ADAM19: variants seen among roughly 807,000 people sequenced by gnomAD.
The protein encoded by ADAM19 is disintegrin and metalloproteinase domain-containing protein 19.
Under a neutral mutation model 114.7 loss-of-function variants are expected in ADAM19, and 65 were observed. The observed-to-expected ratio is 0.57, with a 90% CI of 0.46 to 0.70. ADAM19 has a LOEUF of 0.70. Ranked by LOEUF, ADAM19 falls within the 30% of genes least tolerant of loss-of-function variation. ADAM19 has a pLI of 0.00. For synonymous variants in ADAM19, 466 were observed against 460.5 expected (o/e 1.01, Z -0.15); for missense variants, 1,063 against 1,204.7 (o/e 0.88, Z 1.74).
At chr5:157,495,150 G>A (rs991803134) in intron 14 of ADAM19, among the ~76,000 whole-genome samples, 1 of 151,960 alleles carries the variant, frequency 6.6e-6, no homozygotes, top group Non-Finnish European at 1.5e-5. Flanking sequence ...CACCATGACT[G>A]GCTAATTTTT....
rs1420863073 is a variant in ADAM19 at position 157,478,457 on chromosome 5, A to G, written c.*2492T>C. On this transcript the variant is annotated 3_prime_UTR_variant, in exon 23 of 23. Coordinates refer to ENST00000257527, the MANE Select transcript of ADAM19 (RefSeq NM_033274.5). ...CGGTCTGAGCCTTTTCACTATTCCC[A>G]TAAGGCCCCTTCCTCTCCCTTTTGC... is the stretch of plus-strand genomic sequence containing the variant. 1.3e-5 allele frequency: 8 copies of G among 599,420 alleles called. No individual in the cohort carries two copies. Among genetic ancestry groups the G allele is most frequent in the Non-Finnish European group, 1.7e-5 (8 of 477,500 alleles). 37.1% of individuals were successfully genotyped at this position (599,420 alleles called of 1,614,324 possible).
intron 8 of ADAM19, among the ~76,000 whole-genome samples, chr5:157,509,895 A>C (rs992789731): frequency 6.6e-6 from 1 of 152,216 alleles, no homozygotes; most frequent in African/African-American, 2.4e-5. Context: ...CAGGAACATA[A>C]ATTTCATTTT....
chr5:157,493,424 A>C (rs187628746), intron 15 of ADAM19, among the ~76,000 whole-genome samples: 1 of 152,216 alleles, frequency 6.6e-6, no homozygotes, highest in East Asian at 1.9e-4. Flanking sequence ...AAAAGTCCTT[A>C]ACTCCAAGAA....
chr5:157,482,823 T>C (rs994686708), intron 21 of ADAM19, among the ~76,000 whole-genome samples: 2 of 152,150 alleles, frequency 1.3e-5, no homozygotes, highest in Admixed American at 1.3e-4. Flanking sequence ...CCATCAATGA[T>C]AGACTGAATC....
rs1754705605 is a variant in ADAM19, at chr5:157,480,304, C to T, written c.*645G>A. The stretch of plus-strand genomic sequence containing the variant: ...CTGTCTACACTGCCTACGAATAGTA[C>T]CTGTCTGAGTCAGAGTGACCCGTGT... On this transcript the variant is annotated 3_prime_UTR_variant, in exon 23 of 23. Transcript: ENST00000257527. 8 of 986,150 alleles carry T rather than the reference C, an allele frequency of 8.1e-6. 1 individual carries two copies. The highest frequency in any genetic ancestry group is 5.2e-5 in the African/African-American group (3 of 57,358). 61.1% of individuals were successfully genotyped at this position (986,150 alleles called of 1,614,324 possible).
chr5:157,491,647 C>T lies in ADAM19; in HGVS notation c.2063G>A (p.Gly688Asp). The change falls in exon 18 of 23, where the codon GGC becomes GAC. Residue 688 changes from glycine (G) to aspartate (D), a missense_variant. Around this residue, in one of 3 missense-constraint regions of ADAM19, gnomAD observed 424 missense variants for 445.5 expected, o/e 0.95. Transcript: ENST00000257527. ...PPFCNTPGHG[G>D]SIDSGPMPPE... Reference sequence around the variant, plus strand: ...GGGCATAGGCCCACTGTCGATACTGCCCCCGTGGCCCGGTGTGTTGCAGAA... The same window carrying T: ...GGGCATAGGCCCACTGTCGATACTGTCCCCGTGGCCCGGTGTGTTGCAGAA... The T allele has an allele frequency of 1.3e-6, 2 of 1,552,052 alleles. No individual in the cohort carries two copies. Among genetic ancestry groups the T allele is most frequent in the Non-Finnish European group, 1.7e-6 (2 of 1,148,460 alleles).
chr5:157,564,899 A>C (rs1438061560), intron 2 of ADAM19, among the ~76,000 whole-genome samples: 1 of 152,204 alleles, frequency 6.6e-6, no homozygotes, highest in African/African-American at 2.4e-5. Flanking sequence ...GGATTGAGTG[A>C]GATAATGAGC....
chr5:157,563,382 T>G (rs1581357664), intron 3 of ADAM19, among the ~76,000 whole-genome samples: 1 of 152,344 alleles, frequency 6.6e-6, no homozygotes, highest in East Asian at 1.9e-4. Flanking sequence ...CCTTTGCAAG[T>G]GCCCAAAAAG....
intron 21 of ADAM19, among the ~76,000 whole-genome samples, chr5:157,487,321 G>T (rs1307191352): frequency 6.6e-6 from 1 of 152,180 alleles, no homozygotes; most frequent in African/African-American, 2.4e-5. Context: ...TCACAGCAGA[G>T]AAACAGAATG....
intron 3 of ADAM19, among the ~76,000 whole-genome samples, chr5:157,544,215 T>C (rs535112673): frequency 6.6e-6 from 1 of 152,304 alleles, no homozygotes; most frequent in South Asian, 2.1e-4. Flanking sequence ...GCACCATCGT[T>C]GCCAGAGGAC....
intron 7 of ADAM19, among the ~76,000 whole-genome samples, chr5:157,518,132 T>C (rs1199125661): frequency 6.6e-6 from 1 of 152,074 alleles, no homozygotes; most frequent in East Asian, 1.9e-4. Flanking sequence ...GGAATATATT[T>C]ATCATCTTTG....
intron 4 of ADAM19, among the ~76,000 whole-genome samples, chr5:157,531,755 G>A (rs1302458205): frequency 6.6e-6 from 1 of 152,036 alleles, no homozygotes; most frequent in East Asian, 1.9e-4. Flanking sequence ...TAACAAGAGG[G>A]AAGGACACAC....
intron 5 of ADAM19, among the ~76,000 whole-genome samples, chr5:157,523,021 T>C (rs1003812326): frequency 6.6e-6 from 1 of 152,174 alleles, no homozygotes; most frequent in Admixed American, 6.5e-5. Flanking sequence ...CATTCCCACA[T>C]CATCATTATA....
chr5:157,494,961 A>G (rs983455602), intron 14 of ADAM19, among the ~76,000 whole-genome samples, 166 bp from the exon 15 acceptor site: 2 of 151,982 alleles, frequency 1.3e-5, no homozygotes, highest in East Asian at 1.9e-4. Flanking sequence ...TCTCAACAAG[A>G]TCTACTCAGA....
chr5:157,573,517 G>A (rs6556088), intron 1 of ADAM19, among the ~76,000 whole-genome samples: 31,188 of 152,098 alleles, frequency 0.21, 4,572 homozygotes, highest in African/African-American at 0.41. Context: ...AGGCCGAGGC[G>A]GGCGGATCAC....
intron 13 of ADAM19, among the ~76,000 whole-genome samples, chr5:157,497,700 G>A (rs1420807523): frequency 6.6e-6 from 1 of 152,108 alleles, no homozygotes; most frequent in African/African-American, 2.4e-5. Context: ...TGACATACAC[G>A]TATCTCGTGG....
At position 157,479,857 on chromosome 5, in the gene ADAM19, C is replaced by G; in HGVS notation, c.*1092G>C. 1.0e-6 allele frequency: 1 copy of G among 985,616 alleles called. No homozygotes were observed. Among genetic ancestry groups the G allele is most frequent in the Non-Finnish European group, 1.2e-6 (1 of 830,004 alleles). The allele number at this position is 985,616 out of a possible 1,614,324, so 61.1% of individuals were successfully genotyped here. ...TCCCTCGTGTGTACTTTGTAAATAG[C>G]TGGGCTCCCTAAGGGGAAACCTCAC... On this transcript the variant is annotated 3_prime_UTR_variant, in exon 23 of 23. Coordinates refer to ENST00000257527, the MANE Select transcript of ADAM19 (RefSeq NM_033274.5).
chr5:157,542,582 A>G lies in ADAM19; in HGVS notation c.252-4591T>C, dbSNP rs541889451. Among the ~76,000 whole-genome samples the G allele has an allele frequency of 7.4e-4, 112 of 152,354 alleles. 1 individual carries two copies. The highest frequency in any genetic ancestry group is 3.4e-3 in the Middle Eastern group (1 of 294). On this transcript the variant is annotated intron_variant, in intron 3 of 22. Transcript: ENST00000257527. The stretch of plus-strand genomic sequence containing the variant: ...TCCCAGGACTTTGGGAGGCCGAGGC[A>G]GGTGGATCACACGAGGCCAGGAGTT...
intron 5 of ADAM19, among the ~76,000 whole-genome samples, chr5:157,528,973 G>A (rs1419119106): frequency 6.6e-6 from 1 of 152,198 alleles, no homozygotes; most frequent in Non-Finnish European, 1.5e-5. Context: ...TCAGTCAAGA[G>A]AGGAAGAACA....
Sources: allele counts gnomAD v4.1 joint callset (sites outside exome capture counted in the v4.1 genomes callset), GRCh38; gene constraint gnomAD v4.1.1; regional missense constraint gnomAD v4.1.1; transcripts MANE v1.5; gene names NCBI Gene and HGNC (gene_info 2026-07-23, HGNC 2026-07-21).